The following ZFHX3 variants were observed in gnomAD, a reference collection of about 807,000 sequenced individuals.
ZFHX3 encodes the protein zinc finger homeobox 3, also known as zinc finger homeobox protein 3.
ZFHX3 carries 42 observed loss-of-function variants against 279.1 expected under a neutral mutation model. The ratio of observed to expected loss-of-function variants is 0.15; its 90% CI spans 0.12 to 0.19. The LOEUF is 0.19. Ranked by LOEUF, ZFHX3 falls within the 10% of genes least tolerant of loss-of-function variation. The pLI is 1.00. For missense variants in ZFHX3, 4,981 were observed against 4,754.0 expected (o/e 1.05, Z -1.40); for synonymous variants, 2,293 against 1,957.8 (o/e 1.17, Z -4.52).
chr16:73,239,403 G>A (rs2013051130), intron 5 of ZFHX3, among the ~76,000 whole-genome samples: 1 of 152,144 alleles, frequency 6.6e-6, no homozygotes, highest in Non-Finnish European at 1.5e-5. Context: ...AGAGTTCCTG[G>A]GAGGAAACAC....
intron 2 of ZFHX3, among the ~76,000 whole-genome samples, chr16:73,591,250 G>A (rs1206376437): frequency 6.6e-6 from 1 of 152,032 alleles, no homozygotes; most frequent in Non-Finnish European, 1.5e-5. Flanking sequence ...CTACTCAGGA[G>A]GCTGAGGCAG....
chr16:73,432,935 G>C (rs754885790), intron 3 of ZFHX3, among the ~76,000 whole-genome samples: 1 of 152,164 alleles, frequency 6.6e-6, no homozygotes, highest in Non-Finnish European at 1.5e-5. Flanking sequence ...GATCATTGCA[G>C]TACCAACTAG....
chr16:72,792,779 C>G (rs1445294408), intron 9 of ZFHX3, among the ~76,000 whole-genome samples: 1 of 152,154 alleles, frequency 6.6e-6, no homozygotes, highest in African/African-American at 2.4e-5. Flanking sequence ...CACCGTAGCT[C>G]TCTCAAGAAG....
rs76550282 is a variant in ZFHX3, at chr16:73,677,084, A to T, written c.-1547+3096T>A. ...TATAATTAGTTAATTCTCTATCTTA[A>T]GGAAAATAGCCTTCATTTCCAGTGA... On this transcript the variant is annotated intron_variant, in intron 2 of 17. Coordinates refer to the ZFHX3 transcript ENST00000641206. Among the ~76,000 whole-genome samples the T allele has an allele frequency of 9.4e-3, 1,427 of 152,106 alleles. 24 individuals are homozygous for T. Among genetic ancestry groups the T allele is most frequent in the African/African-American group, 0.032 (1,315 of 41,548 alleles).
chr16:72,828,873 T>C (rs2036995394), intron 5 of ZFHX3, among the ~76,000 whole-genome samples: 1 of 152,122 alleles, frequency 6.6e-6, no homozygotes, highest in South Asian at 2.1e-4. Flanking sequence ...TAATTTTTTG[T>C]AGAGACAGTG....
rs148741157 is a variant in ZFHX3, at chr16:73,787,855, A to AAGAGAG, written c.-1608+103790_-1608+103795dup. On this transcript the variant is annotated intron_variant, in intron 1 of 17. Transcript: ENST00000641206. ...TGTGTGTGTGTGTGTGTGTGTGTGA[A>AAGAGAG]AGAGAGAGAGAGAGAGAGAGAGAAT... is the stretch of plus-strand genomic sequence containing the variant. Among the ~76,000 whole-genome samples, 823 of 110,760 alleles carry AAGAGAG rather than the reference A, an allele frequency of 7.4e-3. 3 individuals carry two copies. The highest frequency in any genetic ancestry group is 0.012 in the Non-Finnish European group (611 of 49,966). The allele number at this position is 110,760 out of a possible 152,430, so 72.7% of individuals were successfully genotyped here.
intron 3 of ZFHX3, among the ~76,000 whole-genome samples, chr16:72,925,516 C>T (rs1293240809): frequency 1.3e-5 from 2 of 152,218 alleles, no homozygotes; most frequent in African/African-American, 2.4e-5. Context: ...TGCATACGCA[C>T]GCTGTGGGGT....
intron 3 of ZFHX3, among the ~76,000 whole-genome samples, chr16:73,334,807 A>ATTATTT (rs1224756669): frequency 1.3e-3 from 37 of 28,496 alleles, no homozygotes; most frequent in African/African-American, 5.0e-3. Context: ...TTTCTTTCTC[A>ATTATTT]TTCTTTTTTT....
intron 2 of ZFHX3, among the ~76,000 whole-genome samples, chr16:73,459,298 A>G (rs1035095580): frequency 3.9e-5 from 6 of 152,172 alleles, no homozygotes; most frequent in Admixed American, 1.3e-4. Flanking sequence ...GTCCATTTTC[A>G]TACTGCGATA....
intron 5 of ZFHX3, among the ~76,000 whole-genome samples, chr16:73,223,992 G>A (rs549645086): frequency 2.2e-4 from 33 of 152,294 alleles, no homozygotes; most frequent in African/African-American, 7.7e-4. Flanking sequence ...GTGGAGACAG[G>A]AAAAAGATCA....
chr16:73,236,070 G>C (rs1320590358), intron 5 of ZFHX3, among the ~76,000 whole-genome samples: 3 of 152,326 alleles, frequency 2.0e-5, no homozygotes, highest in Non-Finnish European at 2.9e-5. Flanking sequence ...CTTTGTGTTA[G>C]TCTAAAGTTC....
chr16:73,776,121 A>ATTTG (rs1213229342), intron 1 of ZFHX3, among the ~76,000 whole-genome samples: 1 of 152,202 alleles, frequency 6.6e-6, no homozygotes, highest in Non-Finnish European at 1.5e-5. Flanking sequence ...ATACACACAC[A>ATTTG]GCAGGGATGC....
intron 4 of ZFHX3, among the ~76,000 whole-genome samples, chr16:72,856,554 G>C (rs1439316194): frequency 6.6e-6 from 1 of 152,290 alleles, no homozygotes; most frequent in African/African-American, 2.4e-5. Flanking sequence ...TTCACCTGCT[G>C]CTTTTACACC....
At chr16:73,480,663 C>T (rs1050221744) in intron 2 of ZFHX3, among the ~76,000 whole-genome samples, 7 of 152,266 alleles carry the variant, frequency 4.6e-5, no homozygotes, top group South Asian at 4.1e-4. Flanking sequence ...GCCTTCTAAA[C>T]GGCCACTCTG....
intron 1 of ZFHX3, among the ~76,000 whole-genome samples, chr16:73,686,005 A>G (rs935623993): frequency 6.6e-6 from 1 of 152,252 alleles, no homozygotes; most frequent in Non-Finnish European, 1.5e-5. Flanking sequence ...GCAAAATTAA[A>G]CAGTTGTCTT....
At chr16:73,426,509 CAG>C (rs148614821) in intron 3 of ZFHX3, among the ~76,000 whole-genome samples, 2,629 of 152,152 alleles carry the variant, frequency 0.017, 90 homozygotes, top group South Asian at 0.11. Context: ...CTCATAATGA[CAG>C]AGTTTGAATG....
rs528679753 is a variant in ZFHX3 at position 72,934,145 on chromosome 16, G to A, written c.3216+16324C>T. On this transcript the variant is annotated intron_variant, in intron 3 of 9. Transcript: ENST00000268489. ...AGCTTTCTTTTAAAAGTTAGAGTAG[G>A]CTAGGCGTGATGGCTCAGCCTGTAA... Among the ~76,000 whole-genome samples, 8 of 152,160 alleles carry A rather than the reference G, an allele frequency of 5.3e-5. No individual in the cohort carries two copies. The South Asian group carries it at 8.3e-4, about 16-fold the overall frequency.
chr16:72,994,603 G>C (rs1208241485), intron 1 of ZFHX3, among the ~76,000 whole-genome samples: 2 of 152,230 alleles, frequency 1.3e-5, no homozygotes, highest in African/African-American at 2.4e-5. Context: ...GGATGGCAGG[G>C]AGCAGCAGGC....
intron 8 of ZFHX3, among the ~76,000 whole-genome samples, chr16:73,070,638 T>C (rs1965810554): frequency 1.3e-5 from 2 of 152,076 alleles, no homozygotes; most frequent in African/African-American, 4.8e-5. Context: ...ACTGCCTTTA[T>C]GGAGTCTATT....
Sources: allele counts gnomAD v4.1 joint callset (sites outside exome capture counted in the v4.1 genomes callset), GRCh38; gene constraint gnomAD v4.1.1; transcripts MANE v1.5; gene names NCBI Gene and HGNC (gene_info 2026-07-23, HGNC 2026-07-21).